MIER2: variants seen among roughly 807,000 people sequenced by gnomAD.
MIER2 encodes mesoderm induction early response protein 2.
A neutral mutation model predicts 67.6 loss-of-function variants in MIER2; 30 were observed. The observed-to-expected ratio is 0.44, with a 90% confidence interval of 0.33 to 0.60. The LOEUF (loss-of-function observed/expected upper bound fraction) is 0.60, where lower values mean the gene tolerates loss of function less well. Ranked by LOEUF, MIER2 falls within the 20% of genes least tolerant of loss-of-function variation. The pLI is 0.02. For missense variants in MIER2, 702 were observed against 745.1 expected (o/e 0.94, Z 0.67); for synonymous variants, 372 against 312.6 (o/e 1.19, Z -2.00).
chr19:340,184 G>A (rs977231566), intron 1 of MIER2, among the ~76,000 whole-genome samples: 1 of 152,164 alleles, frequency 6.6e-6, no homozygotes. Context: ...AGGTTCAGTG[G>A]TGCAGTTACA....
chr19:309,682 G>A (rs1568215523), intron 10 of MIER2, among the ~76,000 whole-genome samples: 1 of 78,918 alleles, frequency 1.3e-5, no homozygotes. Context: ...ACACACACAA[G>A]GCTTCAGGGA....
intron 1 of MIER2, chr19:344,082 G>A: frequency 1.0e-6 from 1 of 985,436 alleles, no homozygotes. Flanking sequence ...AGGGTCCCGG[G>A]CTTGTTTCCT....
chr19:325,719 C>A lies in MIER2; in HGVS notation c.586-15G>T. The A allele has an allele frequency of 6.2e-7, 1 of 1,614,188 alleles. No homozygotes were observed. Among genetic ancestry groups the A allele is most frequent in the African/African-American group, 1.3e-5 (1 of 75,060 alleles). ...ACCATGATCTCCTGCAAAGCAAGCA[C>A]CTGGGAATCAGGACACTGAGGAGCA... On this transcript the variant is annotated splice_polypyrimidine_tract_variant and intron_variant, in intron 6 of 13. Coordinates refer to ENST00000264819, the MANE Select transcript of MIER2 (RefSeq NM_017550.3).
intron 1 of MIER2, among the ~76,000 whole-genome samples, chr19:339,700 G>C (rs991673053): frequency 4.3e-4 from 65 of 152,056 alleles, no homozygotes; most frequent in African/African-American, 1.4e-3. Context: ...TCATGCTCCT[G>C]AAACAGCCAG....
chr19:309,364 A>C (rs529468272), intron 10 of MIER2, among the ~76,000 whole-genome samples: 20 of 152,158 alleles, frequency 1.3e-4, no homozygotes, highest in African/African-American at 4.8e-4. Flanking sequence ...AGACTCCTGG[A>C]CTGAGCCCCT....
chr19:339,369 A>G (rs1378877947), intron 1 of MIER2, among the ~76,000 whole-genome samples: 1 of 152,174 alleles, frequency 6.6e-6, no homozygotes, highest in African/African-American at 2.4e-5. Context: ...ATGTAATATC[A>G]GGCAAAAGCA....
chr19:317,002 C>T (rs749008951), intron 7 of MIER2, among the ~76,000 whole-genome samples: 1 of 152,102 alleles, frequency 6.6e-6, no homozygotes, highest in African/African-American at 2.4e-5. Flanking sequence ...GTCAATAATT[C>T]ATGTTGTAAC....
chr19:335,793 G>C (rs1198283329), intron 2 of MIER2, among the ~76,000 whole-genome samples: 1 of 152,186 alleles, frequency 6.6e-6, no homozygotes, highest in Non-Finnish European at 1.5e-5. Context: ...GGCAAGATGA[G>C]GCAGCCCTCA....
intron 13 of MIER2, 50 bp from the exon 14 acceptor site, chr19:306,761 C>A (rs1202029885): frequency 1.9e-6 from 3 of 1,551,812 alleles, no homozygotes; most frequent in East Asian, 2.4e-5. Flanking sequence ...TGCGGCCCCA[C>A]GTGCCTGCAC....
At position 327,246 on chromosome 19, in the gene MIER2, G is replaced by A. The variant is rs200258348; in HGVS notation, c.380C>T (p.Ala127Val). 102 of 1,572,392 alleles carry A rather than the reference G, an allele frequency of 6.5e-5. No homozygotes were observed. Among genetic ancestry groups the A allele is most frequent in the Non-Finnish European group, 7.9e-5 (92 of 1,168,496 alleles). ...TTCTTCCCCTGAAAGCAAATCCTTC[G>A]CTATTTGTTCCTTTAAAAAAAAAAA... ...PDMTLDKEQI[A>V]KDLLSGEEEE... Residue 127 changes from alanine (A) to valine (V), a missense_variant, in exon 5 of 14, where the codon GCG (alanine) becomes GTG (valine). Coordinates refer to ENST00000264819, the MANE Select transcript of MIER2 (RefSeq NM_017550.3).
rs1395599204 is a variant in MIER2, at chr19:307,243, C to T, written c.1492G>A (p.Ala498Thr). ...DLSGDPEETV[A>T]PAQVALSVTE... ...ACCGACAAAGCCACCTGTGCTGGGG[C>T]CACAGTCTCCTCCGGATCCCCGCTG... is the stretch of plus-strand genomic sequence containing the variant. The change falls in exon 13 of 14, where the codon GCC (alanine) becomes ACC (threonine). Residue 498 changes from alanine (A) to threonine (T), a missense_variant. By Grantham distance (58) the Ala-to-Thr change is moderately conservative. Transcript: ENST00000264819. 3 of 1,593,648 alleles carry T rather than the reference C, an allele frequency of 1.9e-6. No homozygotes were observed. The highest frequency in any genetic ancestry group is 2.6e-6 in the Non-Finnish European group (3 of 1,170,564).
rs557571212 is a variant in MIER2, at chr19:306,702, C to T, written c.1626G>A (p.Val542=). The T allele has an allele frequency of 1.8e-5, 28 of 1,560,866 alleles. No individual in the cohort carries two copies. The Admixed American group carries it at 3.2e-4, about 18-fold the overall frequency. ...LHSEPLSHCN[V]MTC ...CCGCGGCCAGGAGTCAGCAGGTCAT[C>T]ACGTTACAGCTGCAGGGGAGAGACC... The change falls in exon 14 of 14, where the codon GTG becomes GTA. Residue 542 remains valine (V), a synonymous_variant. Coordinates refer to ENST00000264819, the MANE Select transcript of MIER2 (RefSeq NM_017550.3).
chr19:324,731 C>T (rs762599338), intron 7 of MIER2, among the ~76,000 whole-genome samples: 6 of 152,252 alleles, frequency 3.9e-5, no homozygotes, highest in Non-Finnish European at 8.8e-5. Flanking sequence ...CAGCTGGCAT[C>T]CCATGGGACG....
chr19:306,467 G>T lies in MIER2; in HGVS notation c.*223C>A. The T allele has an allele frequency of 3.1e-6, 2 of 643,072 alleles. No homozygotes were observed. The highest frequency in any genetic ancestry group is 5.3e-6 in the Non-Finnish European group (2 of 376,722). The allele number at this position is 643,072 out of a possible 1,614,324, so 39.8% of individuals were successfully genotyped here. On this transcript the variant is annotated 3_prime_UTR_variant, in exon 14 of 14. Coordinates refer to ENST00000264819, the MANE Select transcript of MIER2 (RefSeq NM_017550.3). ...CGGCCCGGACCCGGGTGGCAGTGCC[G>T]GGCGCTGACGGCGCTGGGTGGGGCC...
At chr19:312,077 G>C (rs113751106) in intron 9 of MIER2, 114 bp downstream of exon 9, 2 of 1,331,068 alleles carry the variant, frequency 1.5e-6, no homozygotes, top group Admixed American at 2.1e-5. Flanking sequence ...CGGGGAGAAC[G>C]GTCAGCGGCG....
At position 307,231 on chromosome 19, in the gene MIER2, C is replaced by T; in HGVS notation, c.1504G>A (p.Val502Met). ...DPEETVAPAQ[V>M]ALSVTEFGLI... Reference sequence around the variant, plus strand: ...CCAAACTCGGTGACCGACAAAGCCACCTGTGCTGGGGCCACAGTCTCCTCC... The same window carrying T: ...CCAAACTCGGTGACCGACAAAGCCATCTGTGCTGGGGCCACAGTCTCCTCC... The change falls in exon 13 of 14, where the codon GTG becomes ATG. Residue 502 changes from valine (V) to methionine (M), a missense_variant. Coordinates refer to ENST00000264819, the MANE Select transcript of MIER2 (RefSeq NM_017550.3). The T allele has an allele frequency of 6.3e-7, 1 of 1,592,826 alleles. No homozygotes were observed. Among genetic ancestry groups the T allele is most frequent in the African/African-American group, 1.3e-5 (1 of 74,716 alleles).
intron 7 of MIER2, among the ~76,000 whole-genome samples, chr19:321,849 C>T (rs1971517253): frequency 6.6e-6 from 1 of 152,142 alleles, no homozygotes; most frequent in African/African-American, 2.4e-5. Context: ...ACAAAGGCGT[C>T]ACTGCAGCTC....
intron 7 of MIER2, among the ~76,000 whole-genome samples, chr19:314,807 T>G (rs1380024163): frequency 6.6e-6 from 1 of 152,030 alleles, no homozygotes; most frequent in Admixed American, 6.5e-5. Flanking sequence ...GGAAAAACAT[T>G]AACCGGATGT....
At chr19:330,094 A>G (rs1281168268) in intron 3 of MIER2, among the ~76,000 whole-genome samples, 1 of 152,148 alleles carries the variant, frequency 6.6e-6, no homozygotes, top group Non-Finnish European at 1.5e-5. Flanking sequence ...GGCCAACTAT[A>G]GCCACTCAGA....
Sources: gnomAD v4.1 joint callset for allele counts (sites outside exome capture counted in the v4.1 genomes callset) on GRCh38, gnomAD v4.1.1 for gene constraint, MANE v1.5 for transcripts, NCBI Gene and HGNC (gene_info 2026-07-23, HGNC 2026-07-21) for gene names.